The following MGST1 variants were observed in gnomAD, a reference collection of about 807,000 sequenced individuals.
MGST1 encodes microsomal glutathione S-transferase 1, also known as glutathione S-transferase 12.
A neutral mutation model predicts 8.9 loss-of-function variants in MGST1; 5 were observed. The ratio of observed to expected loss-of-function variants is 0.56; its 90% confidence interval spans 0.29 to 1.19. The LOEUF (loss-of-function observed/expected upper bound fraction) is 1.19. Ranked by LOEUF, MGST1 falls within the 50% of genes most tolerant of loss-of-function variation. The probability of loss-of-function intolerance (pLI) is 0.08; values close to 1 mark genes in which losing one functional copy is unlikely to be tolerated. For missense variants in MGST1, 182 were observed against 187.4 expected, an observed-to-expected ratio of 0.97 and a Z score of 0.17; for synonymous variants, 54 against 67.8, an observed-to-expected ratio of 0.80 and a Z score of 1.00.
At chr12:16,486,207 A>G (rs1049770786) in intron 4 of MGST1, among the ~76,000 whole-genome samples, 1 of 152,202 alleles carries the variant, frequency 6.6e-6, no homozygotes, top group Non-Finnish European at 1.5e-5. Flanking sequence ...CATTGGATAG[A>G]TCACATTTAA....
chr12:16,381,499 C>T (rs915471508), downstream of MGST1, among the ~76,000 whole-genome samples: 13 of 152,118 alleles, frequency 8.5e-5, no homozygotes, highest in African/African-American at 2.9e-4. Flanking sequence ...GAGTTTCTGC[C>T]GAGAGATCAG....
In MGST1 at chr12:16,481,368, A is replaced by G. The variant is rs887351030; in HGVS notation, n.482+97764A>G. ...TTTAGAGGAGCAATGCATGACTCAA[A>G]CTAAATATTTTAAAATGGAAAAGAA... On this transcript the variant is annotated intron_variant and non_coding_transcript_variant, in intron 4 of 4. Coordinates refer to the MGST1 transcript ENST00000538857. Among the ~76,000 whole-genome samples, 10 of 152,202 alleles carry G rather than the reference A, an allele frequency of 6.6e-5. No individual in the cohort carries two copies. In the East Asian group the frequency reaches 1.9e-3, roughly 29 times the overall value.
intron 4 of MGST1, among the ~76,000 whole-genome samples, chr12:16,527,932 A>G (rs1442144898): frequency 6.6e-6 from 1 of 152,028 alleles, no homozygotes; most frequent in Non-Finnish European, 1.5e-5. Flanking sequence ...TCATCAACCT[A>G]TAGAAAAAAG....
At chr12:16,577,438 A>T (rs1943030117) in intron 4 of MGST1, among the ~76,000 whole-genome samples, 1 of 152,114 alleles carries the variant, frequency 6.6e-6, no homozygotes, top group Admixed American at 6.6e-5. Context: ...ATAGGTTGTC[A>T]TCTTATTGCA....
At chr12:16,370,313 G>A (rs975315922) in intron 3 of MGST1, 4 of 152,048 alleles carry the variant, frequency 2.6e-5, no homozygotes, top group South Asian at 4.1e-4. Flanking sequence ...CAGCCTTATC[G>A]CCTCTATAAC....
downstream of MGST1, among the ~76,000 whole-genome samples, chr12:16,381,405 G>A (rs1309850797): frequency 6.6e-6 from 1 of 152,108 alleles, no homozygotes; most frequent in Non-Finnish European, 1.5e-5. Context: ...ATGAAGCTTA[G>A]TTTGGCTGGA....
At chr12:16,453,880 A>G (rs1168521578) in intron 4 of MGST1, among the ~76,000 whole-genome samples, 1 of 151,924 alleles carries the variant, frequency 6.6e-6, no homozygotes, top group African/African-American at 2.4e-5. Flanking sequence ...CAATGACCTC[A>G]TCTTAATACT....
At chr12:16,527,267 AT>A (rs1168051655) in intron 4 of MGST1, among the ~76,000 whole-genome samples, 5 of 152,044 alleles carry the variant, frequency 3.3e-5, no homozygotes, top group Non-Finnish European at 7.4e-5. Flanking sequence ...AAAAGAATAA[AT>A]TCTAAAGCTC....
At chr12:16,479,215 G>C (rs1368057901) in intron 4 of MGST1, among the ~76,000 whole-genome samples, 1 of 139,688 alleles carries the variant, frequency 7.2e-6, no homozygotes, top group South Asian at 2.4e-4. Flanking sequence ...TATATATAAC[G>C]TATTTTTAAT....
intron 4 of MGST1, among the ~76,000 whole-genome samples, chr12:16,528,446 T>G (rs1356353620): frequency 2.0e-5 from 3 of 152,062 alleles, no homozygotes; most frequent in Admixed American, 2.0e-4. Context: ...AATATTATTA[T>G]GCAAGCAAGA....
At chr12:16,399,461 C>T in intron 1 of MGST1, 1 of 1,548,030 alleles carries the variant, frequency 6.5e-7, no homozygotes. Context: ...CCAGTTCATC[C>T]CAATCCTTTC....
Position 16,546,464 on chromosome 12 carries a change from T to C in MGST1, n.483-43064T>C, listed in dbSNP as rs1941824745. 6.6e-6 allele frequency among the ~76,000 whole-genome samples: 1 copy of C among 152,164 alleles called. No individual in the cohort carries two copies. The highest frequency in any genetic ancestry group is 1.5e-5 in the Non-Finnish European group (1 of 68,004). On this transcript the variant is annotated intron_variant and non_coding_transcript_variant, in intron 4 of 4. Coordinates refer to the MGST1 transcript ENST00000538857. This position sits in a 1 kb window ranked among gnomAD's most constrained non-coding sequence, Gnocchi z 4.7. Reference sequence around the variant, plus strand: ...AATTCCAATTCACTTTTGAATGTAATGATCTGAACCAAACACAAAACCTAG... The same window carrying C: ...AATTCCAATTCACTTTTGAATGTAACGATCTGAACCAAACACAAAACCTAG...
chr12:16,508,055 G>A (rs1475803111), intron 4 of MGST1, among the ~76,000 whole-genome samples: 1 of 152,116 alleles, frequency 6.6e-6, no homozygotes. Context: ...TTTCTGAGGT[G>A]AGGAAGAAGG....
chr12:16,360,461 A>G (rs775835315), intron 3 of MGST1: 30 of 699,138 alleles, frequency 4.3e-5, no homozygotes, highest in Admixed American at 6.3e-5. Context: ...GTGTTGAAAT[A>G]CCAAGATATG....
At position 16,363,599 on chromosome 12, in the gene MGST1, AAC is replaced by A. The variant is rs1940095521; in HGVS notation, c.222-194_222-193del. ...TAAAGATACACTAAAAATAAAAAGAAACAGAAATAATGAGAGATTCTAAATAA... is the reference window on the plus strand; with the variant it reads ...TAAAGATACACTAAAAATAAAAAGAAAGAAATAATGAGAGATTCTAAATAA... On this transcript the variant is annotated intron_variant, in intron 3 of 3. Coordinates refer to ENST00000396210, the MANE Select transcript of MGST1 (RefSeq NM_020300.5). The surrounding 1 kb of genome is among the most constrained non-coding windows in gnomAD (Gnocchi z 4.6). 2.5e-6 allele frequency: 1 copy of A among 406,576 alleles called. No individual in the cohort carries two copies. Among genetic ancestry groups the A allele is most frequent in the Non-Finnish European group, 4.3e-6 (1 of 235,116 alleles). The allele number at this position is 406,576 out of a possible 1,614,324, so 25.2% of individuals were successfully genotyped here.
intron 4 of MGST1, among the ~76,000 whole-genome samples, chr12:16,474,865 A>G (rs1941311429): frequency 6.6e-6 from 1 of 152,232 alleles, no homozygotes; most frequent in Admixed American, 6.5e-5. Flanking sequence ...CATTCATTTT[A>G]CATGAAAGCT....
At position 16,500,596 on chromosome 12, in the gene MGST1, A is replaced by C. The variant is rs117313767; in HGVS notation, n.483-88932A>C. On this transcript the variant is annotated intron_variant and non_coding_transcript_variant, in intron 4 of 4. Coordinates refer to the MGST1 transcript ENST00000538857. This position sits in a 1 kb window ranked among gnomAD's most constrained non-coding sequence, Gnocchi z 4.3. The stretch of plus-strand genomic sequence containing the variant: ...CTAAAACTCTACAGTTGTTACTTCA[A>C]AGATTTAGGTCAAAATTAACTTAGA... Among the ~76,000 whole-genome samples, 193 of 152,282 alleles carry C rather than the reference A, an allele frequency of 1.3e-3. 3 individuals are homozygous for C. In the East Asian group the frequency reaches 0.031, roughly 25 times the overall value.
At chr12:16,368,897 T>C (rs926890255), downstream of MGST1, among the ~76,000 whole-genome samples, 5 of 152,154 alleles carry the variant, frequency 3.3e-5, no homozygotes, top group African/African-American at 1.2e-4. Flanking sequence ...GACTCTGATA[T>C]ACCACGAAGA....
intron 4 of MGST1, among the ~76,000 whole-genome samples, chr12:16,552,235 T>C (rs1266055978): frequency 6.6e-6 from 1 of 152,054 alleles, no homozygotes; most frequent in Admixed American, 6.6e-5. Flanking sequence ...GATCTGTATA[T>C]ATATTTAATT....
Sources: gnomAD v4.1 joint callset for allele counts (sites outside exome capture counted in the v4.1 genomes callset) on GRCh38, gnomAD v4.1.1 for gene constraint, Gnocchi (gnomAD v3.1) non-coding constraint, MANE v1.5 for transcripts, NCBI Gene and HGNC (gene_info 2026-07-23, HGNC 2026-07-21) for gene names.